STPG2: variants seen among roughly 807,000 people sequenced by gnomAD.
The protein encoded by STPG2 is sperm-tail PG-rich repeat-containing protein 2.
STPG2 carries 56 observed loss-of-function variants against 54.2 expected under a neutral mutation model. The ratio of observed to expected loss-of-function variants is 1.03; its 90% CI spans 0.83 to 1.29. The LOEUF is 1.29. Among genes scored for constraint, STPG2 ranks in the 50% most tolerant of loss-of-function variants. STPG2 has a pLI of 0.00. For missense variants in STPG2, 596 were observed against 544.9 expected (o/e 1.09, Z -0.93); for synonymous variants, 200 against 181.8 (o/e 1.10, Z -0.81).
intron 4 of STPG2, among the ~76,000 whole-genome samples, chr4:97,472,765 A>G (rs1729968956): frequency 6.6e-6 from 1 of 152,194 alleles, no homozygotes; most frequent in Non-Finnish European, 1.5e-5. Flanking sequence ...CATGTGATTC[A>G]TCCTATATGT....
At chr4:97,558,378 A>G (rs1199089023), downstream of STPG2, among the ~76,000 whole-genome samples, 1 of 152,146 alleles carries the variant, frequency 6.6e-6, no homozygotes, top group East Asian at 1.9e-4. Flanking sequence ...CCCCTCCTTG[A>G]GTGTGGGCTG....
At chr4:97,498,105 G>A (rs528055656) in intron 4 of STPG2, among the ~76,000 whole-genome samples, 1 of 151,930 alleles carries the variant, frequency 6.6e-6, no homozygotes, top group African/African-American at 2.4e-5. Flanking sequence ...TGTGTGATTA[G>A]GGCATTTGTT....
chr4:97,616,461 A>C (rs1223928359), intron 10 of STPG2, among the ~76,000 whole-genome samples: 1 of 152,098 alleles, frequency 6.6e-6, no homozygotes, highest in Non-Finnish European at 1.5e-5. Flanking sequence ...ATTTTGAAAA[A>C]TAACATGATT....
intron 8 of STPG2, among the ~76,000 whole-genome samples, chr4:97,866,862 G>T (rs1192412346): frequency 1.3e-5 from 2 of 152,016 alleles, no homozygotes; most frequent in African/African-American, 2.4e-5. Context: ...CTTTGCTGGG[G>T]AGAATAGATT....
intron 6 of STPG2, among the ~76,000 whole-genome samples, chr4:97,975,193 A>G (rs904619321): frequency 6.6e-6 from 1 of 152,202 alleles, no homozygotes; most frequent in Non-Finnish European, 1.5e-5. Context: ...AAAGTGCTCC[A>G]AAACATTACT....
At chr4:97,881,497 G>T (rs979226316) in intron 8 of STPG2, among the ~76,000 whole-genome samples, 13 of 151,954 alleles carry the variant, frequency 8.6e-5, no homozygotes, top group African/African-American at 2.9e-4. Context: ...TCATAAATGG[G>T]CAAGTAAGAA....
chr4:97,968,427 C>A (rs988188910), intron 7 of STPG2, among the ~76,000 whole-genome samples: 3 of 152,180 alleles, frequency 2.0e-5, no homozygotes, highest in African/African-American at 7.2e-5. Context: ...TCCTTCCTAA[C>A]TCATTTTATG....
chr4:97,598,838 A>G (rs1733376530), intron 10 of STPG2, among the ~76,000 whole-genome samples: 1 of 152,170 alleles, frequency 6.6e-6, no homozygotes, highest in Non-Finnish European at 1.5e-5. Flanking sequence ...AACCTAATAA[A>G]TACCATTCTG....
chr4:97,883,749 C>T lies in STPG2; in HGVS notation c.1045-42817G>A, dbSNP rs112899769. Among the ~76,000 whole-genome samples the T allele has an allele frequency of 2.0e-5, 3 of 152,100 alleles. No homozygotes were observed. In the East Asian group the frequency reaches 5.8e-4, roughly 29 times the overall value. On this transcript the variant is annotated intron_variant, in intron 8 of 10. Coordinates refer to ENST00000295268, the MANE Select transcript of STPG2 (RefSeq NM_174952.3). ...AAAAGTTTTAGACAGAATCCAAGAG[C>T]TGGACAATAGTCAATGTTCTAATAC...
At chr4:97,567,900 C>A (rs928998090) in intron 10 of STPG2, among the ~76,000 whole-genome samples, 1 of 151,948 alleles carries the variant, frequency 6.6e-6, no homozygotes, top group Non-Finnish European at 1.5e-5. Context: ...GAATGATAAA[C>A]CAGAAATCAA....
At chr4:97,562,651 AG>A (rs553567150) in intron 10 of STPG2, among the ~76,000 whole-genome samples, 5 of 152,160 alleles carry the variant, frequency 3.3e-5, no homozygotes, top group African/African-American at 7.2e-5. Context: ...TTTAGCATGA[AG>A]GGTTGTTGAA....
chr4:97,742,131 G>A lies in STPG2; in HGVS notation c.1205-29317C>T, dbSNP rs28808336. Among the ~76,000 whole-genome samples, 486 of 151,792 alleles carry A rather than the reference G, an allele frequency of 3.2e-3. 4 individuals are homozygous for A. The highest frequency in any genetic ancestry group is 0.011 in the African/African-American group (454 of 41,378). On this transcript the variant is annotated intron_variant, in intron 9 of 10. Coordinates refer to ENST00000295268, the MANE Select transcript of STPG2 (RefSeq NM_174952.3). ...TCGCAAGAAAAAAAAACCAAACACCGCATATTCTCACTCATAGGTGGGAAT... is the reference window on the plus strand; with the variant it reads ...TCGCAAGAAAAAAAAACCAAACACCACATATTCTCACTCATAGGTGGGAAT...
intron 1 of STPG2, among the ~76,000 whole-genome samples, chr4:98,135,660 A>C (rs995347292): frequency 3.3e-5 from 5 of 151,762 alleles, no homozygotes; most frequent in African/African-American, 1.2e-4. Context: ...ATCAGAGAAG[A>C]AGGGAAGAGG....
chr4:97,500,929 CAG>C (rs1445553144), intron 4 of STPG2, among the ~76,000 whole-genome samples: 4 of 151,986 alleles, frequency 2.6e-5, no homozygotes, highest in Non-Finnish European at 5.9e-5. Context: ...TAAATGGAGA[CAG>C]GGGTATGTAG....
At chr4:97,655,330 A>G (rs1722191858) in intron 10 of STPG2, among the ~76,000 whole-genome samples, 1 of 152,058 alleles carries the variant, frequency 6.6e-6, no homozygotes, top group African/African-American at 2.4e-5. Flanking sequence ...TTAGAGGTGC[A>G]GAAATGGTGG....
At chr4:98,124,618 T>C (rs1250407159) in intron 3 of STPG2, among the ~76,000 whole-genome samples, 1 of 152,190 alleles carries the variant, frequency 6.6e-6, no homozygotes, top group Non-Finnish European at 1.5e-5. Flanking sequence ...ACATGTTTTC[T>C]TTCATTTTGA....
chr4:97,910,106 C>T (rs1731620224), intron 8 of STPG2, among the ~76,000 whole-genome samples: 1 of 152,174 alleles, frequency 6.6e-6, no homozygotes, highest in Admixed American at 6.5e-5. Flanking sequence ...CTGCCCCTTC[C>T]CCACCAAGTT....
intron 5 of STPG2, among the ~76,000 whole-genome samples, chr4:98,020,771 A>G (rs1560639960): frequency 6.6e-6 from 1 of 152,146 alleles, no homozygotes; most frequent in Non-Finnish European, 1.5e-5. Flanking sequence ...CCAGGAATTT[A>G]TCCATTTCTT....
At chr4:97,750,029 C>T (rs1412682562) in intron 9 of STPG2, among the ~76,000 whole-genome samples, 1 of 151,708 alleles carries the variant, frequency 6.6e-6, no homozygotes, top group Admixed American at 6.6e-5. Context: ...CCTTCCAAAA[C>T]CATGCATATA....
Sources: gnomAD v4.1 joint callset for allele counts (sites outside exome capture counted in the v4.1 genomes callset) on GRCh38, gnomAD v4.1.1 for gene constraint, MANE v1.5 for transcripts, NCBI Gene and HGNC (gene_info 2026-07-23, HGNC 2026-07-21) for gene names.